Variants in CLNK observed in about 807,000 individuals in gnomAD.
CLNK encodes the protein cytokine-dependent hematopoietic cell linker.
In CLNK, 74 loss-of-function variants were observed where a neutral mutation model predicts 68.6. The observed-to-expected ratio is 1.08, with a 90% CI of 0.89 to 1.31. CLNK has a LOEUF of 1.31. Among genes scored for constraint, CLNK ranks in the 50% most tolerant of loss-of-function variants. The pLI is 0.00. For missense variants in CLNK, 553 were observed against 515.3 expected, an observed-to-expected ratio of 1.07 and a Z score of -0.71; for synonymous variants, 198 against 172.2, an observed-to-expected ratio of 1.15 and a Z score of -1.17.
At chr4:10,594,836 T>G (rs1721325724) in intron 3 of CLNK, among the ~76,000 whole-genome samples, 1 of 152,208 alleles carries the variant, frequency 6.6e-6, no homozygotes, top group African/African-American at 2.4e-5. Flanking sequence ...GGCCCACACC[T>G]GTAATCCCAG....
At chr4:10,645,266 GAAT>G (rs534326944) in intron 2 of CLNK, among the ~76,000 whole-genome samples, 18 of 152,178 alleles carry the variant, frequency 1.2e-4, no homozygotes, top group Non-Finnish European at 2.2e-4. Flanking sequence ...AGACATAAAT[GAAT>G]AATGATGGAC....
the CLNK span, among the ~76,000 whole-genome samples, chr4:10,734,286 C>T: frequency 6.6e-5 from 10 of 152,192 alleles, no homozygotes; most frequent in East Asian, 1.9e-4. Context: ...TATAAATCTA[C>T]GATTGATTGC....
Position 10,532,290 on chromosome 4 carries a change from GA to G in CLNK, c.603-8del, listed in dbSNP as rs35098132. The G allele has an allele frequency of 6.2e-7, 1 of 1,606,884 alleles. No homozygotes were observed. Among genetic ancestry groups the G allele is most frequent in the Non-Finnish European group, 8.5e-7 (1 of 1,174,610 alleles). On this transcript the variant is annotated splice_region_variant and splice_polypyrimidine_tract_variant and intron_variant, in intron 11 of 18. Transcript: ENST00000226951. ...GTCCCTTAAGCTTATCTGACTGCAAGAAAAAGAAATACGGTGTTACATAAAA... is the reference window on the plus strand; with the variant it reads ...GTCCCTTAAGCTTATCTGACTGCAAGAAAAGAAATACGGTGTTACATAAAA...
chr4:10,678,554 G>A (rs1055135250), intron 1 of CLNK, among the ~76,000 whole-genome samples: 4 of 152,076 alleles, frequency 2.6e-5, no homozygotes, highest in Non-Finnish European at 4.4e-5. Flanking sequence ...AAATAAATAA[G>A]AATATGATGA....
intron 12 of CLNK, among the ~76,000 whole-genome samples, chr4:10,528,816 C>T (rs1164968844): frequency 6.6e-6 from 1 of 152,168 alleles, no homozygotes; most frequent in Non-Finnish European, 1.5e-5. Flanking sequence ...TTTCTTTATA[C>T]TTGCTCTGAA....
At chr4:10,616,487 G>A (rs1722230057) in intron 2 of CLNK, among the ~76,000 whole-genome samples, 1 of 152,118 alleles carries the variant, frequency 6.6e-6, no homozygotes, top group South Asian at 2.1e-4. Context: ...CATCTCTGAA[G>A]AACAAGTAAA....
At chr4:10,615,880 G>C (rs1271084456) in intron 2 of CLNK, among the ~76,000 whole-genome samples, 1 of 152,218 alleles carries the variant, frequency 6.6e-6, no homozygotes, top group African/African-American at 2.4e-5. Context: ...TTCAATGTCA[G>C]ACCTGCATGG....
intron 18 of CLNK, among the ~76,000 whole-genome samples, chr4:10,500,596 C>T (rs1161687394): frequency 6.6e-6 from 1 of 151,506 alleles, no homozygotes; most frequent in African/African-American, 2.4e-5. Flanking sequence ...AGGAGAATCA[C>T]TTGAACCTGG....
intron 15 of CLNK, among the ~76,000 whole-genome samples, chr4:10,518,781 A>T (rs1274491934): frequency 1.3e-5 from 2 of 152,222 alleles, no homozygotes; most frequent in Non-Finnish European, 2.9e-5. Flanking sequence ...ATAACGTACA[A>T]CTATGGAGGT....
At chr4:10,494,304 C>T (rs979312796) in intron 18 of CLNK, among the ~76,000 whole-genome samples, 6 of 152,158 alleles carry the variant, frequency 3.9e-5, no homozygotes, top group African/African-American at 1.4e-4. Flanking sequence ...ATTTCTTTGT[C>T]CTAGTATCAT....
At position 10,490,369 on chromosome 4, in the gene CLNK, A is replaced by T; in HGVS notation, c.*98T>A. 7.6e-7 allele frequency: 1 copy of T among 1,312,074 alleles called. No individual in the cohort carries two copies. Among genetic ancestry groups the T allele is most frequent in the South Asian group, 1.6e-5 (1 of 63,654 alleles). The allele number at this position is 1,312,074 out of a possible 1,614,324, so 81.3% of individuals were successfully genotyped here. On this transcript the variant is annotated 3_prime_UTR_variant, in exon 19 of 19. Transcript: ENST00000226951. ...TGTTTTTCTTTTCTCCAAAGTTAAA[A>T]AAGTTGTCCCTTGAAGGCACAGAAA...
At chr4:10,538,619 G>A (rs1355897569) in intron 11 of CLNK, among the ~76,000 whole-genome samples, 1 of 152,102 alleles carries the variant, frequency 6.6e-6, no homozygotes, top group Non-Finnish European at 1.5e-5. Flanking sequence ...CTTTGAAAAT[G>A]GAAATCAAAA....
At chr4:10,503,939 C>T (rs1324270300) in intron 17 of CLNK, among the ~76,000 whole-genome samples, 2 of 150,914 alleles carry the variant, frequency 1.3e-5, no homozygotes, top group Non-Finnish European at 2.9e-5. Context: ...CCCAACACCA[C>T]GCCTAGCTAA....
At chr4:10,598,759 C>A in intron 2 of CLNK, 1 of 381,474 alleles carries the variant, frequency 2.6e-6, no homozygotes, top group Non-Finnish European at 5.3e-6. Context: ...CCACATTTTC[C>A]TTTCTTTTGC....
chr4:10,529,624 G>C (rs1328993186), intron 12 of CLNK, among the ~76,000 whole-genome samples: 1 of 152,210 alleles, frequency 6.6e-6, no homozygotes. Context: ...TAAGTAAAAA[G>C]AGTAATGAAT....
At chr4:10,627,629 T>G (rs1326908351) in intron 2 of CLNK, among the ~76,000 whole-genome samples, 1 of 151,706 alleles carries the variant, frequency 6.6e-6, no homozygotes, top group Non-Finnish European at 1.5e-5. Flanking sequence ...AGAGACAGGG[T>G]CAGAGAGACA....
chr4:10,609,283 C>T (rs533895733), intron 2 of CLNK, among the ~76,000 whole-genome samples: 6 of 152,318 alleles, frequency 3.9e-5, no homozygotes, highest in African/African-American at 1.4e-4. Flanking sequence ...TCCCTTGGTA[C>T]TCAGCTCTAA....
At chr4:10,581,510 A>C (rs1720779260) in intron 4 of CLNK, among the ~76,000 whole-genome samples, 1 of 152,186 alleles carries the variant, frequency 6.6e-6, no homozygotes, top group South Asian at 2.1e-4. Flanking sequence ...CTACACAGGA[A>C]ACACTTAACA....
intron 1 of CLNK, among the ~76,000 whole-genome samples, chr4:10,678,214 A>T (rs1214777615): frequency 1.3e-5 from 2 of 152,236 alleles, no homozygotes; most frequent in Non-Finnish European, 2.9e-5. Context: ...AGTGAATTGT[A>T]CAACTTGAGT....
Sources: allele counts gnomAD v4.1 joint callset (sites outside exome capture counted in the v4.1 genomes callset), GRCh38; gene constraint gnomAD v4.1.1; transcripts MANE v1.5; gene names NCBI Gene and HGNC (gene_info 2026-07-23, HGNC 2026-07-21).